Variants in ACTA2 observed in about 807,000 individuals in gnomAD.
ACTA2 encodes the protein actin, aortic smooth muscle.
A neutral mutation model predicts 39.5 loss-of-function variants in ACTA2; 12 were observed. That is an observed-to-expected ratio of 0.30 (90% CI 0.19 to 0.49). The LOEUF (loss-of-function observed/expected upper bound fraction) is 0.49, where lower values mean the gene tolerates loss of function less well. Among genes scored for constraint, ACTA2 ranks in the 20% least tolerant of loss-of-function variants. ACTA2 has a pLI of 0.99. For synonymous variants in ACTA2, 158 were observed against 180.6 expected, an observed-to-expected ratio of 0.88 and a Z score of 1.00; for missense variants, 236 against 498.8, an observed-to-expected ratio of 0.47 and a Z score of 5.02.
At chr10:88,967,069 A>C (rs1189775985) in intron 1 of ACTA2, among the ~76,000 whole-genome samples, 1 of 152,228 alleles carries the variant, frequency 6.6e-6, no homozygotes, top group Non-Finnish European at 1.5e-5. Flanking sequence ...TAGCCCCTAG[A>C]AAAGAAAGTG....
At chr10:88,937,525 T>G (rs1230267956) in intron 8 of ACTA2, among the ~76,000 whole-genome samples, 1 of 152,150 alleles carries the variant, frequency 6.6e-6, no homozygotes, top group African/African-American at 2.4e-5. Context: ...CTGAGCTTGG[T>G]CATCCTAGAG....
chr10:88,989,822 T>A (rs1379499174), intron 1 of ACTA2, among the ~76,000 whole-genome samples: 1 of 152,028 alleles, frequency 6.6e-6, no homozygotes, highest in African/African-American at 2.4e-5. Context: ...AAAGGAATAC[T>A]GAAACCTTTA....
At chr10:88,964,298 G>C (rs1210803808) in intron 1 of ACTA2, among the ~76,000 whole-genome samples, 5 of 152,174 alleles carry the variant, frequency 3.3e-5, no homozygotes, top group African/African-American at 1.2e-4. Flanking sequence ...ATATATGGGA[G>C]ATACCCAGGG....
intron 3 of ACTA2, among the ~76,000 whole-genome samples, chr10:88,946,370 T>C (rs1162142658): frequency 6.6e-6 from 1 of 151,316 alleles, no homozygotes; most frequent in East Asian, 1.9e-4. Flanking sequence ...GTGCTGAGAT[T>C]ACAGGTGTGA....
At chr10:88,986,899 A>G (rs542767073) in intron 1 of ACTA2, among the ~76,000 whole-genome samples, 15 of 151,902 alleles carry the variant, frequency 9.9e-5, no homozygotes, top group African/African-American at 3.6e-4. Context: ...AAAGCAATGT[A>G]AAAGTAAAAA....
chr10:88,981,160 C>G (rs1589425551), intron 1 of ACTA2, among the ~76,000 whole-genome samples: 2 of 152,310 alleles, frequency 1.3e-5, no homozygotes, highest in East Asian at 1.9e-4. Context: ...GTGGAGCCTC[C>G]AGACCTGTGT....
At chr10:88,974,673 A>G (rs1846523681) in intron 1 of ACTA2, 2 of 152,354 alleles carry the variant, frequency 1.3e-5, no homozygotes, top group East Asian at 1.9e-4. Context: ...ATTAAGTAAT[A>G]CAAACATTTC....
intron 1 of ACTA2, among the ~76,000 whole-genome samples, chr10:88,989,145 C>G (rs1056171181): frequency 6.6e-6 from 1 of 152,134 alleles, no homozygotes; most frequent in Non-Finnish European, 1.5e-5. Context: ...TTAATAATCA[C>G]TCATCTCACT....
chr10:88,952,092 G>A (rs1268246746), intron 1 of ACTA2, among the ~76,000 whole-genome samples: 1 of 152,180 alleles, frequency 6.6e-6, no homozygotes, highest in African/African-American at 2.4e-5. Flanking sequence ...GTCACCTGCT[G>A]CGCTCTGCTG....
chr10:88,986,001 T>G (rs1256204628), intron 1 of ACTA2, among the ~76,000 whole-genome samples: 1 of 152,244 alleles, frequency 6.6e-6, no homozygotes, highest in Non-Finnish European at 1.5e-5. Context: ...GGAATGCTGA[T>G]TTTCCATTTA....
intron 1 of ACTA2, chr10:88,989,538 G>A (rs747724138): frequency 1.8e-6 from 1 of 543,512 alleles, no homozygotes; most frequent in Admixed American, 1.9e-5. Context: ...TCTACTGAAA[G>A]GTGGAACAGA....
chr10:88,942,511 G>A (rs1244544600), intron 4 of ACTA2, among the ~76,000 whole-genome samples: 1 of 152,108 alleles, frequency 6.6e-6, no homozygotes, highest in African/African-American at 2.4e-5. Flanking sequence ...AGAGGCCCTG[G>A]TTCCTGGAAG....
chr10:88,939,148 T>A (rs1845801413), intron 7 of ACTA2, among the ~76,000 whole-genome samples: 1 of 152,154 alleles, frequency 6.6e-6, no homozygotes, highest in South Asian at 2.1e-4. Flanking sequence ...AGGAACAGAC[T>A]CACTTTGAGT....
chr10:88,946,865 T>C, intron 3 of ACTA2: 1 of 219,010 alleles, frequency 4.6e-6, no homozygotes, highest in Non-Finnish European at 9.2e-6. Context: ...TTACATTAGG[T>C]ATATCTCCTA....
chr10:88,965,653 A>G (rs1463652733), intron 1 of ACTA2, among the ~76,000 whole-genome samples: 1 of 128,758 alleles, frequency 7.8e-6, no homozygotes, highest in Non-Finnish European at 1.7e-5. Context: ...TTGCAAGGTC[A>G]AGCCATTATA....
upstream of ACTA2, among the ~76,000 whole-genome samples, chr10:88,957,725 TAAAC>T (rs1251719734): frequency 1.3e-5 from 2 of 152,170 alleles, no homozygotes; most frequent in African/African-American, 4.8e-5. Context: ...CATATCCTCC[TAAAC>T]TCAGCTTAAG....
At position 88,960,158 on chromosome 10, in the gene ACTA2, C is replaced by T. The variant is rs116762769; in HGVS notation, c.-23-11205G>A. On this transcript the variant is annotated intron_variant, in intron 1 of 4. Transcript: ENST00000415557. Reference sequence around the variant, plus strand: ...CACACACTTAAAGAATGGGGAGTTACACTTCACCCCCTTGAGGACAGAGTA... The same window carrying T: ...CACACACTTAAAGAATGGGGAGTTATACTTCACCCCCTTGAGGACAGAGTA... Among the ~76,000 whole-genome samples, 1,477 of 152,282 alleles carry T rather than the reference C, an allele frequency of 9.7e-3. 22 individuals carry two copies. Among genetic ancestry groups the T allele is most frequent in the African/African-American group, 0.033 (1,385 of 41,536 alleles).
intron 3 of ACTA2, among the ~76,000 whole-genome samples, chr10:88,945,436 C>T (rs760405413): frequency 2.0e-5 from 3 of 151,970 alleles, no homozygotes; most frequent in South Asian, 2.1e-4. Context: ...AGTAGTGAGC[C>T]GATAGATAAA....
At position 88,958,780 on chromosome 10, in the gene ACTA2, C is replaced by T. The variant is rs77067555; in HGVS notation, c.-23-9827G>A. Among the ~76,000 whole-genome samples, 860 of 152,284 alleles carry T rather than the reference C, an allele frequency of 5.6e-3. 2 individuals are homozygous for T. Among genetic ancestry groups the T allele is most frequent in the African/African-American group, 0.019 (809 of 41,556 alleles). On this transcript the variant is annotated intron_variant, in intron 1 of 4. Transcript: ENST00000415557. ...TGCCCCAGCTTCCTAGTGATTGAAGCTCTCCTTCACAAAAGACTTTGGATC... is the reference window on the plus strand; with the variant it reads ...TGCCCCAGCTTCCTAGTGATTGAAGTTCTCCTTCACAAAAGACTTTGGATC...
Sources: gnomAD v4.1 joint callset for allele counts (sites outside exome capture counted in the v4.1 genomes callset) on GRCh38, gnomAD v4.1.1 for gene constraint, MANE v1.5 for transcripts, NCBI Gene and HGNC (gene_info 2026-07-23, HGNC 2026-07-21) for gene names.